MMP16: variants seen among roughly 807,000 people sequenced by gnomAD.
The protein encoded by MMP16 is matrix metallopeptidase 16, also known as matrix metalloproteinase-16.
MMP16 carries 12 observed loss-of-function variants against 67.8 expected under a neutral mutation model. The observed-to-expected ratio is 0.18, with a 90% CI of 0.11 to 0.29. MMP16 has a LOEUF of 0.29. MMP16 is among the 10% of genes least tolerant of loss of function. The pLI, the probability that MMP16 is intolerant of heterozygous loss-of-function variation, is 1.00. For missense variants in MMP16, 475 were observed against 765.7 expected, an observed-to-expected ratio of 0.62 and a Z score of 4.48; for synonymous variants, 249 against 255.9, an observed-to-expected ratio of 0.97 and a Z score of 0.26.
chr8:88,109,145 A>G (rs947608136), intron 6 of MMP16, among the ~76,000 whole-genome samples: 8 of 151,394 alleles, frequency 5.3e-5, no homozygotes, highest in Non-Finnish European at 1.2e-4. Context: ...AGGTTCTTCT[A>G]GTTAAGTGTA....
intron 1 of MMP16, among the ~76,000 whole-genome samples, chr8:88,299,074 A>T (rs1811059095): frequency 6.6e-6 from 1 of 152,142 alleles, no homozygotes; most frequent in Admixed American, 6.5e-5. Flanking sequence ...ATAACCTTCC[A>T]TGGAAGAAAA....
intron 4 of MMP16, among the ~76,000 whole-genome samples, chr8:88,164,691 G>A (rs1055380088): frequency 6.6e-6 from 1 of 151,934 alleles, no homozygotes; most frequent in Admixed American, 6.6e-5. Context: ...TAAAGACATA[G>A]TTTCCTCCAA....
chr8:88,323,499 A>C (rs117405277), intron 1 of MMP16, among the ~76,000 whole-genome samples: 2,385 of 152,288 alleles, frequency 0.016, 29 homozygotes, highest in Non-Finnish European at 0.027. Context: ...AGGAACAACA[A>C]AATCAATTTT....
Position 88,036,342 on chromosome 8 carries a change from T to C in MMP16, c.*5119A>G, listed in dbSNP as rs1464280487. 1.3e-5 allele frequency: 2 copies of C among 151,878 alleles called. No homozygotes were observed. Among genetic ancestry groups the C allele is most frequent in the Non-Finnish European group, 2.9e-5 (2 of 67,842 alleles). 9.4% of individuals were successfully genotyped at this position (151,878 alleles called of 1,614,324 possible). On this transcript the variant is annotated 3_prime_UTR_variant, in exon 10 of 10. Transcript: ENST00000286614. ...TAAAGTAAAATTTCCAGTTGTATTA[T>C]CAAGGAGTGTTATAGTTTGTCTTTA...
At chr8:88,272,204 G>A (rs767839017) in intron 1 of MMP16, among the ~76,000 whole-genome samples, 5 of 151,996 alleles carry the variant, frequency 3.3e-5, no homozygotes, top group South Asian at 2.1e-4. Flanking sequence ...TATCATCCTC[G>A]TGGCTATAAT....
chr8:88,112,478 A>G (rs1313166818), intron 6 of MMP16, among the ~76,000 whole-genome samples: 1 of 151,706 alleles, frequency 6.6e-6, no homozygotes, highest in Non-Finnish European at 1.5e-5. Context: ...AACAGCTTAC[A>G]CTCTTCAAGG....
At chr8:88,202,024 A>G (rs1355141599) in intron 1 of MMP16, among the ~76,000 whole-genome samples, 2 of 152,174 alleles carry the variant, frequency 1.3e-5, no homozygotes, top group East Asian at 3.9e-4. Flanking sequence ...GATTCATAGG[A>G]TAAGTTCACA....
At chr8:88,300,443 G>A (rs946111746) in intron 1 of MMP16, among the ~76,000 whole-genome samples, 1 of 152,158 alleles carries the variant, frequency 6.6e-6, no homozygotes, top group South Asian at 2.1e-4. Context: ...AGCCCTGGAC[G>A]TGAATCCAAC....
intron 6 of MMP16, among the ~76,000 whole-genome samples, chr8:88,085,289 A>C (rs982344345): frequency 1.3e-5 from 2 of 152,098 alleles, no homozygotes; most frequent in African/African-American, 4.8e-5. Flanking sequence ...TCTGGCAAAG[A>C]TAATGCCATT....
Position 88,266,851 on chromosome 8 carries a change from G to A in MMP16, c.132+60224C>T, listed in dbSNP as rs75293194. Among the ~76,000 whole-genome samples, 929 of 152,264 alleles carry A rather than the reference G, an allele frequency of 6.1e-3. 10 individuals carry two copies. Among genetic ancestry groups the A allele is most frequent in the African/African-American group, 0.021 (887 of 41,550 alleles). On this transcript the variant is annotated intron_variant, in intron 1 of 9. Coordinates refer to ENST00000286614, the MANE Select transcript of MMP16 (RefSeq NM_005941.5). ...GGATTTCAATCATGCTGAATCAGTA[G>A]CAATTATCCTCAAATTGCTATTTCA...
chr8:88,061,255 T>C (rs185134752), intron 7 of MMP16, among the ~76,000 whole-genome samples: 11 of 152,134 alleles, frequency 7.2e-5, no homozygotes, highest in Admixed American at 5.2e-4. Flanking sequence ...GCATGCTCTA[T>C]ATTTTAGTCA....
intron 1 of MMP16, among the ~76,000 whole-genome samples, chr8:88,237,634 G>A (rs1451598928): frequency 6.6e-6 from 1 of 150,828 alleles, no homozygotes; most frequent in Admixed American, 6.6e-5. Context: ...GGGCGACAGA[G>A]TGAGACTCCG....
At chr8:88,226,993 A>G (rs557032595) in intron 1 of MMP16, among the ~76,000 whole-genome samples, 1 of 152,108 alleles carries the variant, frequency 6.6e-6, no homozygotes, top group South Asian at 2.1e-4. Context: ...CACTCTGGAT[A>G]TTGTTTCTTC....
At chr8:88,080,512 T>C (rs1487097037) in intron 6 of MMP16, among the ~76,000 whole-genome samples, 1 of 152,164 alleles carries the variant, frequency 6.6e-6, no homozygotes, top group Non-Finnish European at 1.5e-5. Flanking sequence ...CTCGGCTCAC[T>C]GCAACCTCCA....
chr8:88,075,938 T>TACACAC (rs71556442), intron 6 of MMP16, among the ~76,000 whole-genome samples: 36,782 of 140,310 alleles, frequency 0.26, 4,895 homozygotes, highest in East Asian at 0.4. Context: ...CATATATTCA[T>TACACAC]ACACACACAC....
intron 1 of MMP16, among the ~76,000 whole-genome samples, chr8:88,278,371 C>A (rs567389950): frequency 6.6e-6 from 1 of 152,238 alleles, no homozygotes; most frequent in East Asian, 1.9e-4. Context: ...GTTCTAAGAC[C>A]TGGGTGTGTT....
At chr8:88,309,513 T>A (rs953045548) in intron 1 of MMP16, among the ~76,000 whole-genome samples, 1 of 151,672 alleles carries the variant, frequency 6.6e-6, no homozygotes, top group Non-Finnish European at 1.5e-5. Context: ...AATCTTTCTT[T>A]AAAAAAAATG....
chr8:88,311,248 T>C (rs1211952701), intron 1 of MMP16, among the ~76,000 whole-genome samples: 2 of 152,144 alleles, frequency 1.3e-5, no homozygotes, highest in African/African-American at 4.8e-5. Flanking sequence ...ACGGTGGATT[T>C]TGATATATCC....
chr8:88,284,391 A>G (rs1810790838), intron 1 of MMP16, among the ~76,000 whole-genome samples: 1 of 152,094 alleles, frequency 6.6e-6, no homozygotes, highest in African/African-American at 2.4e-5. Context: ...TTTAGTTAGA[A>G]AGGATCTCAA....
Sources: allele counts gnomAD v4.1 joint callset (sites outside exome capture counted in the v4.1 genomes callset), GRCh38; gene constraint gnomAD v4.1.1; transcripts MANE v1.5; gene names NCBI Gene and HGNC (gene_info 2026-07-23, HGNC 2026-07-21).